The following SLC22A13 variants were observed in gnomAD, a reference collection of about 807,000 sequenced individuals.
SLC22A13 encodes the protein solute carrier family 22 member 13.
In SLC22A13, 42 loss-of-function variants were observed where a neutral mutation model predicts 49.1. The ratio of observed to expected loss-of-function variants is 0.85; its 90% CI spans 0.67 to 1.11. SLC22A13 has a LOEUF of 1.11. SLC22A13 is among the 50% of genes least tolerant of loss of function. The pLI is 0.00. For missense variants in SLC22A13, 694 were observed against 712.8 expected (o/e 0.97, Z 0.30); for synonymous variants, 282 against 293.1 (o/e 0.96, Z 0.39).
chr3:38,266,348 T>G (rs1703464817), intron 1 of SLC22A13, 110 bp downstream of exon 1: 5 of 1,238,182 alleles, frequency 4.0e-6, no homozygotes, highest in Middle Eastern at 2.7e-4. Flanking sequence ...GCCCATATGG[T>G]CAACCATGGG....
rs536148362 is a variant in SLC22A13 at position 38,276,199 on chromosome 3, G to A, written c.1238-88G>A. 1.1e-4 allele frequency: 159 copies of A among 1,487,984 alleles called. 1 individual carries two copies. In the East Asian group the frequency reaches 1.4e-3, roughly 13 times the overall value. The allele number at this position is 1,487,984 out of a possible 1,614,324, so 92.2% of individuals were successfully genotyped here. A position where few individuals can be genotyped will look rare whatever the true frequency, so the allele number is the denominator to read the frequency against. On this transcript the variant is annotated intron_variant, in intron 7 of 9. Coordinates refer to ENST00000311856, the MANE Select transcript of SLC22A13 (RefSeq NM_004256.4). Reference sequence around the variant, plus strand: ...CTGCTTCCAGGAGTAAAGGCTTCCCGGGGGTTTGGGTACAGAAGGGGTGGG... The same window carrying A: ...CTGCTTCCAGGAGTAAAGGCTTCCCAGGGGTTTGGGTACAGAAGGGGTGGG...
intron 4 of SLC22A13, 38 bp from the exon 5 acceptor site, chr3:38,275,332 C>G (rs779758675): frequency 6.2e-7 from 1 of 1,613,224 alleles, no homozygotes; most frequent in Non-Finnish European, 8.5e-7. Flanking sequence ...CTCCCTAGGA[C>G]TCCAGGCCCC....
chr3:38,274,890 G>C, intron 3 of SLC22A13, 99 bp from the exon 4 acceptor site: 1 of 1,557,068 alleles, frequency 6.4e-7, no homozygotes, highest in Non-Finnish European at 8.8e-7. Flanking sequence ...GGTGCTTCCT[G>C]TGTTGGCACT....
At chr3:38,269,861 TC>T (rs1458909263) in intron 1 of SLC22A13, among the ~76,000 whole-genome samples, 1 of 68,110 alleles carries the variant, frequency 1.5e-5, no homozygotes, top group Non-Finnish European at 2.8e-5. Context: ...AGCTATCCCC[TC>T]CCCCCTCCCC....
chr3:38,277,428 G>A lies in SLC22A13; in HGVS notation c.1619G>A (p.Ser540Asn). 2 of 1,614,138 alleles carry A rather than the reference G, an allele frequency of 1.2e-6. No homozygotes were observed. Among genetic ancestry groups the A allele is most frequent in the African/African-American group, 2.7e-5 (2 of 75,062 alleles). ...ACAGAGGCCAAGGGAAGAACTTCCA[G>A]CCCGGGAGTGGCCTTTGTGAGCAGC... is the stretch of plus-strand genomic sequence containing the variant. ...KETEAKGRTS[S>N]PGVAFVSSTY... Residue 540 changes from serine to asparagine, a missense_variant, in exon 10 of 10, where the codon AGC becomes AAC. Ser to Asn is a conservative substitution (Grantham distance 46, BLOSUM62 1). Transcript: ENST00000311856.
chr3:38,276,867 A>G (rs767716474), intron 8 of SLC22A13, 45 bp from the exon 9 acceptor site: 1 of 1,553,224 alleles, frequency 6.4e-7, no homozygotes, highest in Non-Finnish European at 8.8e-7. Context: ...GCTGAGGCCC[A>G]GAGTTGGGCC....
chr3:38,274,086 G>A (rs1200202866), intron 1 of SLC22A13, among the ~76,000 whole-genome samples, 186 bp from the exon 2 acceptor site: 1 of 152,218 alleles, frequency 6.6e-6, no homozygotes. Context: ...ATGTCAACTT[G>A]TATTTCCCTT....
rs1379489473 is a variant in SLC22A13, at chr3:38,265,857, A to G, written c.-4A>G. The stretch of plus-strand genomic sequence containing the variant: ...CCAGGCTGAGGAGGTAGTGACTGGC[A>G]TACATGGCTCAGTTTGTCCAGGTCC... On this transcript the variant is annotated 5_prime_UTR_variant, in exon 1 of 10. Transcript: ENST00000311856. 3 of 1,613,888 alleles carry G rather than the reference A, an allele frequency of 1.9e-6. No individual in the cohort carries two copies. In the South Asian group the frequency reaches 3.3e-5, roughly 18 times the overall value.
rs1326003774 is a variant in SLC22A13, at chr3:38,276,380, TC to T, written c.1335del (p.Thr446ProfsTer25). On this transcript the variant is annotated frameshift_variant, in exon 8 of 10. Transcript: ENST00000311856. LOFTEE classifies it high-confidence loss of function. Reference sequence around the variant, plus strand: ...TCCTATGTGTACTCTGCCGAGCTTTTCCCCACCATCCTCCGGTAAGAGCTGC... The same window carrying T: ...TCCTATGTGTACTCTGCCGAGCTTTTCCCACCATCCTCCGGTAAGAGCTGC... ...TISYVYSAEL[F>X]PTILRQTGMG... The T allele has an allele frequency of 2.5e-6, 4 of 1,610,146 alleles. No individual in the cohort carries two copies. The highest frequency in any genetic ancestry group is 3.4e-6 in the Non-Finnish European group (4 of 1,177,372).
At chr3:38,276,163 T>A (rs1251728684) in intron 7 of SLC22A13, 67 bp downstream of exon 7, 2 of 1,518,882 alleles carry the variant, frequency 1.3e-6, no homozygotes, top group African/African-American at 1.4e-5. Flanking sequence ...GCTAGACCAG[T>A]GGCCATTGTT....
intron 1 of SLC22A13, among the ~76,000 whole-genome samples, chr3:38,268,059 C>T (rs1202790191): frequency 6.6e-6 from 1 of 152,122 alleles, no homozygotes; most frequent in Non-Finnish European, 1.5e-5. Flanking sequence ...AGAATGCATA[C>T]ACAAAGAATT....
At chr3:38,276,498 C>A (rs1270753130) in intron 8 of SLC22A13, 103 bp downstream of exon 8, 4 of 822,430 alleles carry the variant, frequency 4.9e-6, no homozygotes, top group Non-Finnish European at 7.9e-6. Context: ...ACAGGGCTGG[C>A]TCTGGGGCAG....
At position 38,278,482 on chromosome 3, in the gene SLC22A13, C is replaced by T. The variant is rs1703612022; in HGVS notation, c.*1017C>T. Among the ~76,000 whole-genome samples, 1 of 152,174 alleles carries T rather than the reference C, an allele frequency of 6.6e-6. No homozygotes were observed. Among genetic ancestry groups the T allele is most frequent in the Non-Finnish European group, 1.5e-5 (1 of 68,040 alleles). On this transcript the variant is annotated 3_prime_UTR_variant, in exon 10 of 10. Transcript: ENST00000311856. The stretch of plus-strand genomic sequence containing the variant: ...CCTTCTCCAGCCCCACCCAGCATTG[C>T]TCCTACAACCTGTCCTACAGCTGGC...
At chr3:38,267,558 C>T (rs1255811112) in intron 1 of SLC22A13, among the ~76,000 whole-genome samples, 2 of 152,314 alleles carry the variant, frequency 1.3e-5, no homozygotes, top group East Asian at 1.9e-4. Context: ...TTCCAGATTG[C>T]TCACAGACTA....
Position 38,265,907 on chromosome 3 carries a change from G to A in SLC22A13, c.47G>A (p.Arg16His), listed in dbSNP as rs72542450. Residue 16 changes from arginine to histidine, a missense_variant, in exon 1 of 10, where the codon CGC (arginine) becomes CAC (histidine). Coordinates refer to ENST00000311856, the MANE Select transcript of SLC22A13 (RefSeq NM_004256.4). The part of the protein sequence containing the change: ...QVLAEIGDFG[R>H]FQIQLLILLC... ...CTGGCTGAAATAGGTGACTTTGGTC[G>A]CTTCCAGATACAGCTATTGATCCTG... 12,328 of 1,614,044 alleles carry A rather than the reference G, an allele frequency of 7.6e-3. 53 individuals carry two copies. The highest frequency in any genetic ancestry group is 9.6e-3 in the Non-Finnish European group (11,319 of 1,179,930).
chr3:38,274,937 T>C, intron 3 of SLC22A13, 52 bp from the exon 4 acceptor site: 1 of 1,599,336 alleles, frequency 6.3e-7, no homozygotes. Context: ...CTAGGAGTAA[T>C]GGGGAGTGAA....
intron 1 of SLC22A13, among the ~76,000 whole-genome samples, chr3:38,268,340 A>G (rs1006079296): frequency 7.2e-5 from 11 of 152,112 alleles, no homozygotes; most frequent in Non-Finnish European, 1.5e-5. Context: ...CCCTTCTCCA[A>G]CCTCAGCTCC....
Position 38,268,461 on chromosome 3 carries a change from C to T in SLC22A13, c.378+2223C>T, listed in dbSNP as rs77983406. ...CTTCTACATGCTGGGTCTTCAGCTG[C>T]GTTCTAGGAACACCATGTCACACAC... On this transcript the variant is annotated intron_variant, in intron 1 of 9. Transcript: ENST00000311856. Among the ~76,000 whole-genome samples the T allele has an allele frequency of 4.2e-3, 639 of 152,290 alleles. 8 individuals carry two copies. The highest frequency in any genetic ancestry group is 0.015 in the African/African-American group (616 of 41,556).
rs771670370 is a variant in SLC22A13, at chr3:38,275,924, G to T, written c.1065G>T (p.Val355=). 1.9e-6 allele frequency: 3 copies of T among 1,614,100 alleles called. No homozygotes were observed. The highest frequency in any genetic ancestry group is 3.3e-5 in the Admixed American group (2 of 60,010). Residue 355 remains valine, a synonymous_variant, in exon 7 of 10, where the codon GTG becomes GTT. Coordinates refer to ENST00000311856, the MANE Select transcript of SLC22A13 (RefSeq NM_004256.4). ...GGTACTACGGCCTGAGCCTCCAAGT[G>T]GGGGACTTCGGCCTGGACGTCTATC... The part of the protein sequence containing the change: ...SLGYYGLSLQ[V]GDFGLDVYLT...
Sources: gnomAD v4.1 joint callset for allele counts (sites outside exome capture counted in the v4.1 genomes callset) on GRCh38, gnomAD v4.1.1 for gene constraint, MANE v1.5 for transcripts, NCBI Gene and HGNC (gene_info 2026-07-23, HGNC 2026-07-21) for gene names.